The following RAP1A variants were observed in gnomAD, a reference collection of about 807,000 sequenced individuals.
The protein encoded by RAP1A is ras-related protein Rap-1A.
Under a neutral mutation model 26.4 loss-of-function variants are expected in RAP1A, and 6 were observed. The observed-to-expected ratio is 0.23, with a 90% CI of 0.12 to 0.45. The LOEUF (loss-of-function observed/expected upper bound fraction) is 0.45, where lower values mean the gene tolerates loss of function less well. Among genes scored for constraint, RAP1A ranks in the 20% least tolerant of loss-of-function variants. The pLI is 0.99. For missense variants in RAP1A, 121 were observed against 217.2 expected (o/e 0.56, Z 2.78); for synonymous variants, 73 against 79.4 (o/e 0.92, Z 0.43).
rs114861976 is a variant in RAP1A, at chr1:111,635,604, G to T, written c.-28+15670G>T. Among the ~76,000 whole-genome samples, 52 of 152,072 alleles carry T rather than the reference G, an allele frequency of 3.4e-4. 1 individual carries two copies. Among genetic ancestry groups the T allele is most frequent in the South Asian group, 8.3e-4 (4 of 4,816 alleles). On this transcript the variant is annotated intron_variant, in intron 1 of 7. Coordinates refer to ENST00000369709, the MANE Select transcript of RAP1A (RefSeq NM_002884.4). ...TTCTGAAACAGTGTCTCACTCTGTC[G>T]CCCAGGGTGGAGTTCAGTGGCTGCA...
chr1:111,563,825 A>G, intron 1 of RAP1A: 1 of 1,601,034 alleles, frequency 6.2e-7, no homozygotes, highest in Non-Finnish European at 8.5e-7. Context: ...CCCAGCAGCT[A>G]TATTTTCTGC....
At chr1:111,551,043 T>G (rs954905428) in intron 1 of RAP1A, among the ~76,000 whole-genome samples, 1 of 152,226 alleles carries the variant, frequency 6.6e-6, no homozygotes, top group Non-Finnish European at 1.5e-5. Flanking sequence ...GGTTTTAGGA[T>G]AGCCACTTCA....
intron 1 of RAP1A, among the ~76,000 whole-genome samples, chr1:111,688,788 G>A (rs1446088638): frequency 1.4e-5 from 2 of 147,470 alleles, no homozygotes; most frequent in Non-Finnish European, 1.5e-5. Context: ...ACTTGGATGT[G>A]TAGATGGGTT....
chr1:111,659,028 G>A (rs975629663), intron 1 of RAP1A, among the ~76,000 whole-genome samples: 2 of 152,100 alleles, frequency 1.3e-5, no homozygotes, highest in African/African-American at 4.8e-5. Flanking sequence ...TCTGAAGCCT[G>A]CTTTGTCTCA....
At chr1:111,568,097 T>C (rs1399558379) in intron 1 of RAP1A, among the ~76,000 whole-genome samples, 2 of 152,240 alleles carry the variant, frequency 1.3e-5, no homozygotes, top group South Asian at 2.1e-4. Context: ...TTTACCACAT[T>C]GGGCTTTATT....
At chr1:111,610,698 G>A (rs1414229567) in intron 1 of RAP1A, among the ~76,000 whole-genome samples, 1 of 152,190 alleles carries the variant, frequency 6.6e-6, no homozygotes, top group East Asian at 1.9e-4. Flanking sequence ...ACAGAGTAAG[G>A]AGTTTTAGCT....
intron 1 of RAP1A, among the ~76,000 whole-genome samples, chr1:111,646,322 A>G (rs1228232328): frequency 1.3e-5 from 2 of 151,858 alleles, no homozygotes; most frequent in East Asian, 3.9e-4. Flanking sequence ...TGACCATTTA[A>G]TAGGAGATCC....
At chr1:111,554,695 A>G (rs1042089642) in intron 1 of RAP1A, among the ~76,000 whole-genome samples, 3 of 152,258 alleles carry the variant, frequency 2.0e-5, no homozygotes, top group Non-Finnish European at 4.4e-5. Context: ...TCTCTTGAGA[A>G]TTTGTAACCA....
intron 1 of RAP1A, among the ~76,000 whole-genome samples, chr1:111,610,604 G>A (rs1182825470): frequency 4.0e-5 from 6 of 150,562 alleles, no homozygotes; most frequent in African/African-American, 1.5e-4. Flanking sequence ...ACTGAAGATG[G>A]GGAAGATGGA....
chr1:111,596,452 C>T (rs114092368), intron 1 of RAP1A, among the ~76,000 whole-genome samples: 66 of 152,276 alleles, frequency 4.3e-4, no homozygotes, highest in African/African-American at 1.3e-3. Context: ...TAAATTATAA[C>T]GTAAGAGTCT....
intron 1 of RAP1A, among the ~76,000 whole-genome samples, chr1:111,669,786 A>G (rs1386549811): frequency 6.6e-6 from 1 of 152,244 alleles, no homozygotes; most frequent in East Asian, 1.9e-4. Flanking sequence ...CTGCAAAAAG[A>G]TACAAATTCA....
chr1:111,662,254 G>T (rs1239274575), intron 1 of RAP1A, among the ~76,000 whole-genome samples: 1 of 152,058 alleles, frequency 6.6e-6, no homozygotes, highest in Non-Finnish European at 1.5e-5. Context: ...AATTAGCCGG[G>T]CGTGATGGCA....
chr1:111,569,524 C>G (rs1658000578), intron 1 of RAP1A, among the ~76,000 whole-genome samples: 3 of 151,988 alleles, frequency 2.0e-5, no homozygotes, highest in Admixed American at 2.0e-4. Flanking sequence ...GTACTGGGTG[C>G]AAGGTCCCAG....
At chr1:111,555,539 GA>G (rs760511400) in intron 1 of RAP1A, among the ~76,000 whole-genome samples, 3 of 151,932 alleles carry the variant, frequency 2.0e-5, no homozygotes, top group Non-Finnish European at 2.9e-5. Context: ...AAATTTTACA[GA>G]ATTCAGCTTA....
chr1:111,613,493 C>T (rs1658962531), intron 1 of RAP1A, among the ~76,000 whole-genome samples: 2 of 152,236 alleles, frequency 1.3e-5, no homozygotes, highest in African/African-American at 4.8e-5. Flanking sequence ...GCCACCACGC[C>T]CGGCCAGCTC....
chr1:111,556,459 T>C (rs1405809271), intron 1 of RAP1A, among the ~76,000 whole-genome samples: 1 of 152,204 alleles, frequency 6.6e-6, no homozygotes, highest in African/African-American at 2.4e-5. Flanking sequence ...CCCATGTTTA[T>C]AGCAGCATTA....
At chr1:111,679,531 C>G (rs1053295262) in intron 1 of RAP1A, among the ~76,000 whole-genome samples, 10 of 142,874 alleles carry the variant, frequency 7.0e-5, no homozygotes, top group Non-Finnish European at 1.4e-4. Context: ...TTTTTTGTAC[C>G]CAGTGGCACC....
At chr1:111,648,244 T>C in intron 1 of RAP1A, 1 of 596,706 alleles carries the variant, frequency 1.7e-6, no homozygotes, top group Non-Finnish European at 2.8e-6. Context: ...TTGAACTTTT[T>C]ATTGGCTTCC....
At chr1:111,640,309 A>G (rs956822344) in intron 1 of RAP1A, among the ~76,000 whole-genome samples, 1 of 150,364 alleles carries the variant, frequency 6.7e-6, no homozygotes, top group Non-Finnish European at 1.5e-5. Context: ...GTGATTATAA[A>G]ACTATGTGAT....
Sources: gnomAD v4.1 joint callset for allele counts (sites outside exome capture counted in the v4.1 genomes callset) on GRCh38, gnomAD v4.1.1 for gene constraint, MANE v1.5 for transcripts, NCBI Gene and HGNC (gene_info 2026-07-23, HGNC 2026-07-21) for gene names.